PRRT4: variants seen among roughly 807,000 people sequenced by gnomAD.
PRRT4 encodes the protein proline-rich transmembrane protein 4.
PRRT4 carries 59 observed loss-of-function variants against 55.6 expected under a neutral mutation model. The ratio of observed to expected loss-of-function variants is 1.06; its 90% CI spans 0.86 to 1.32. The LOEUF is 1.32. Among genes scored for constraint, PRRT4 ranks in the 40% most tolerant of loss-of-function variants. The probability of loss-of-function intolerance (pLI) is 0.00; values close to 1 mark genes in which losing one functional copy is unlikely to be tolerated. For synonymous variants in PRRT4, 606 were observed against 601.8 expected (o/e 1.01, Z -0.10); for missense variants, 1,217 against 1,222.0 (o/e 1.00, Z 0.06).
At chr7:128,356,230 T>C (rs55877431) in intron 4 of PRRT4, among the ~76,000 whole-genome samples, 3,184 of 152,154 alleles carry the variant, frequency 0.021, 124 homozygotes, top group African/African-American at 0.073. Flanking sequence ...CCAGCCTGGG[T>C]GACAGAGCAA....
chr7:128,359,835 C>A lies in PRRT4; in HGVS notation c.157G>T (p.Gly53Ter). ...CGAAGATGGAATTTGAAGTTAAGTC[C>A]CAGGTTGAGAGACAGCATAGAGGCC... The change falls in exon 2 of 5, where the codon GGA (glycine) becomes TGA (stop). Residue 53 changes from glycine (G) to a stop codon, truncating the protein, a stop_gained. Coordinates refer to ENST00000535159, the Ensembl canonical transcript of PRRT4. LOFTEE classifies it high-confidence loss of function. The A allele has an allele frequency of 6.6e-7, 1 of 1,515,350 alleles. No homozygotes were observed. 93.9% of individuals were successfully genotyped at this position (1,515,350 alleles called of 1,614,324 possible). A position where few individuals can be genotyped will look rare whatever the true frequency, so the allele number is the denominator to read the frequency against.
Position 128,350,867 on chromosome 7 carries a change from T to C in PRRT4, c.2689A>G (p.Ile897Val), listed in dbSNP as rs1048078051. ...AGGTGGCCACCTCTTCACAGGTCTA[T>C]GGTGTCGCTGCCCACGCTCAGCTCG... The change falls in exon 5 of 5, where the codon ATA becomes GTA. Residue 897 changes from isoleucine to valine, a missense_variant. By Grantham distance (29) the Ile-to-Val change is conservative. Coordinates refer to ENST00000535159, the Ensembl canonical transcript of PRRT4. 7.7e-6 allele frequency: 12 copies of C among 1,550,858 alleles called. No individual in the cohort carries two copies. In the South Asian group the frequency reaches 9.5e-5, roughly 12 times the overall value.
chr7:128,352,789 C>G, intron 4 of PRRT4, 111 bp from the exon 6 acceptor site: 1 of 1,125,702 alleles, frequency 8.9e-7, no homozygotes, highest in Non-Finnish European at 1.2e-6. Flanking sequence ...CCAGGACACA[C>G]TTGTCTTACA....
rs1043657304 is a variant in PRRT4, at chr7:128,351,572, G to T, written c.1984C>A (p.Pro662Thr). Residue 662 changes from proline to threonine, a missense_variant, in exon 5 of 5, where the codon CCC becomes ACC. This residue lies in a region of PRRT4 where 642 missense variants were observed against 600.9 expected (regional missense o/e 1.07). Coordinates refer to ENST00000535159, the Ensembl canonical transcript of PRRT4. ...CCGCGAGCGATGGCGCTCCCCAGGGGCTCCTTGTCTGGGGGCCCAGTGACC... is the reference window on the plus strand; with the variant it reads ...CCGCGAGCGATGGCGCTCCCCAGGGTCTCCTTGTCTGGGGGCCCAGTGACC... The T allele has an allele frequency of 1.5e-5, 23 of 1,500,868 alleles. No individual in the cohort carries two copies. Among genetic ancestry groups the T allele is most frequent in the Non-Finnish European group, 1.9e-5 (21 of 1,132,502 alleles). The allele number at this position is 1,500,868 out of a possible 1,614,324, so 93.0% of individuals were successfully genotyped here. A position where few individuals can be genotyped will look rare whatever the true frequency, so the allele number is the denominator to read the frequency against.
exon 5 of PRRT4, chr7:128,352,246 T>A (rs1562966433): frequency 1.3e-6 from 2 of 1,541,376 alleles, no homozygotes; most frequent in Non-Finnish European, 8.7e-7. Flanking sequence ...CGGAAGGTCC[T>A]GCAGCAGCAG....
chr7:128,351,360 G>A, exon 5 of PRRT4: 3 of 1,546,956 alleles, frequency 1.9e-6, no homozygotes, highest in Non-Finnish European at 1.7e-6. Context: ...GGGCCTCCTC[G>A]ATGCTGCGTC....
exon 5 of PRRT4, chr7:128,351,625 T>C: frequency 6.6e-7 from 1 of 1,512,594 alleles, no homozygotes; most frequent in Admixed American, 2.1e-5. Context: ...CGGAGCCGCG[T>C]GGCCCGGGGA....
exon 5 of PRRT4, chr7:128,350,907 G>A: frequency 1.9e-6 from 3 of 1,550,904 alleles, no homozygotes; most frequent in Non-Finnish European, 2.6e-6. Context: ...TCTGTCGGCA[G>A]GCGTCCAGGA....
chr7:128,351,494 G>C (rs1796967740), exon 5 of PRRT4: 1 of 1,517,232 alleles, frequency 6.6e-7, no homozygotes, highest in African/African-American at 1.4e-5. Context: ...CCCTGGAGTA[G>C]GAGGTCTGGG....
chr7:128,351,087 G>A (rs1170589864), exon 5 of PRRT4: 2 of 1,548,750 alleles, frequency 1.3e-6, no homozygotes, highest in African/African-American at 2.7e-5. Flanking sequence ...GCGGGGGCCT[G>A]TCGGGGCTGG....
At position 128,358,207 on chromosome 7, in the gene PRRT4, C is replaced by T. The variant is rs1394293742; in HGVS notation, c.877+474G>A. The stretch of plus-strand genomic sequence containing the variant: ...GCATGTTCTGAAAGGCTTTCTTGAA[C>T]GAAGGTGGCATCTGCCTGCTCAAGG... On this transcript the variant is annotated intron_variant, in intron 4 of 4. Transcript: ENST00000535159. The surrounding 1 kb of genome is among the most constrained non-coding windows in gnomAD (Gnocchi z 4.4). Among the ~76,000 whole-genome samples the T allele has an allele frequency of 3.3e-5, 5 of 152,188 alleles. No individual in the cohort carries two copies. The highest frequency in any genetic ancestry group is 4.8e-5 in the African/African-American group (2 of 41,448).
chr7:128,357,060 A>G (rs571289185), intron 4 of PRRT4, among the ~76,000 whole-genome samples: 22 of 152,314 alleles, frequency 1.4e-4, no homozygotes, highest in South Asian at 8.3e-4. Flanking sequence ...CTGTTCTGGT[A>G]TGTATGGACT....
At chr7:128,351,404 C>T (rs1232313756) in exon 5 of PRRT4, 15 of 1,538,336 alleles carry the variant, frequency 9.8e-6, no homozygotes, top group Non-Finnish European at 1.3e-5. Context: ...CGGAAGTCCA[C>T]GGTGTAATCG....
Position 128,358,598 on chromosome 7 carries a change from G to T in PRRT4, c.877+83C>A. The T allele has an allele frequency of 8.5e-7, 1 of 1,176,130 alleles. No individual in the cohort carries two copies. 72.9% of individuals were successfully genotyped at this position (1,176,130 alleles called of 1,614,324 possible). On this transcript the variant is annotated intron_variant, in intron 4 of 4. Coordinates refer to ENST00000535159, the Ensembl canonical transcript of PRRT4. The surrounding 1 kb of genome is among the most constrained non-coding windows in gnomAD (Gnocchi z 4.4). ...TGATTATGATGACAATGAAATAAAA[G>T]GGTCCCAGAACACTGATGAGTGACT...
At chr7:128,350,654 C>A (rs1252491403), downstream of PRRT4, 10 of 786,524 alleles carry the variant, frequency 1.3e-5, no homozygotes, top group Non-Finnish European at 1.8e-5. Context: ...CATCAGCACC[C>A]AGGGCTCCAG....
At chr7:128,357,209 T>TACACACACACACAC (rs763703914) in intron 4 of PRRT4, among the ~76,000 whole-genome samples, 1 of 127,178 alleles carries the variant, frequency 7.9e-6, no homozygotes, top group South Asian at 2.8e-4. Context: ...TTGATACAAA[T>TACACACACACACAC]ACACACACAC....
rs2116489689 is a variant in PRRT4 at position 128,358,687 on chromosome 7, A to G, written c.871T>C (p.Ser291Pro). 1 of 1,551,678 alleles carries G rather than the reference A, an allele frequency of 6.4e-7. No individual in the cohort carries two copies. The highest frequency in any genetic ancestry group is 8.7e-7 in the Non-Finnish European group (1 of 1,146,946). Residue 291 changes from serine (S) to proline (P), a missense_variant, in exon 4 of 5, where the codon TCA (serine) becomes CCA (proline). This residue lies in a region of PRRT4 where 564 missense variants were observed against 592.9 expected (regional missense o/e 0.95). Transcript: ENST00000535159. The surrounding 1 kb of genome is among the most constrained non-coding windows in gnomAD (Gnocchi z 4.4). ...AAATGAATTGGATACTTACCTAATG[A>G]TGTTGTTGCAATCGAGGCAAAACTT...
chr7:128,357,947 G>T (rs1361900960), intron 4 of PRRT4, among the ~76,000 whole-genome samples: 1 of 152,200 alleles, frequency 6.6e-6, no homozygotes, highest in Non-Finnish European at 1.5e-5. Flanking sequence ...CAGAAGCAAG[G>T]TTAATAGCTA....
At chr7:128,350,824 G>A (rs1444216759), downstream of PRRT4, 4 of 1,546,548 alleles carry the variant, frequency 2.6e-6, no homozygotes, top group South Asian at 1.2e-5. Context: ...CCAGAAAGGG[G>A]CATATCGCAG....
Sources: gnomAD v4.1 joint callset for allele counts (sites outside exome capture counted in the v4.1 genomes callset) on GRCh38, gnomAD v4.1.1 for gene constraint, gnomAD v4.1.1 regional missense constraint, Gnocchi (gnomAD v3.1) non-coding constraint, MANE v1.5 for transcripts, NCBI Gene and HGNC (gene_info 2026-07-23, HGNC 2026-07-21) for gene names.